The following UNC5D variants were observed in gnomAD, a reference collection of about 807,000 sequenced individuals.
The protein encoded by UNC5D is unc-5 netrin receptor D, also known as netrin receptor UNC5D.
Under a neutral mutation model 105.4 loss-of-function variants are expected in UNC5D, and 39 were observed. That is an observed-to-expected ratio of 0.37 (90% CI 0.29 to 0.48). The LOEUF (loss-of-function observed/expected upper bound fraction) is 0.48. UNC5D is among the 20% of genes least tolerant of loss of function. UNC5D has a pLI of 0.98. For missense variants in UNC5D, 991 were observed against 1,202.4 expected (o/e 0.82, Z 2.60); for synonymous variants, 452 against 450.4 (o/e 1.00, Z -0.04).
chr8:35,237,388 C>A (rs1162561203), intron 1 of UNC5D, among the ~76,000 whole-genome samples: 5 of 152,000 alleles, frequency 3.3e-5, no homozygotes, highest in Non-Finnish European at 7.4e-5. Context: ...GTTTTTAATA[C>A]ACTCTTATGG....
intron 3 of UNC5D, among the ~76,000 whole-genome samples, 183 bp downstream of exon 3, chr8:35,568,424 C>T (rs776231755): frequency 5.3e-5 from 8 of 152,234 alleles, no homozygotes; most frequent in Non-Finnish European, 1.0e-4. Flanking sequence ...CACAGTGGCT[C>T]ACGCCTGTGA....
chr8:35,468,278 G>A (rs1045322943), intron 1 of UNC5D, among the ~76,000 whole-genome samples: 1 of 152,168 alleles, frequency 6.6e-6, no homozygotes, highest in Non-Finnish European at 1.5e-5. Flanking sequence ...CACTCCCAAG[G>A]ACAGAGATCA....
chr8:35,427,382 G>A (rs1806324718), intron 1 of UNC5D, among the ~76,000 whole-genome samples: 1 of 152,194 alleles, frequency 6.6e-6, no homozygotes, highest in Admixed American at 6.5e-5. Context: ...CATCTTGCTA[G>A]ATGGGAAAAC....
intron 1 of UNC5D, among the ~76,000 whole-genome samples, chr8:35,396,889 G>T (rs556431546): frequency 2.0e-5 from 3 of 151,514 alleles, no homozygotes; most frequent in South Asian, 2.1e-4. Context: ...GAGCCCAAGG[G>T]TTTTTTTGTT....
chr8:35,458,948 G>A (rs971849033), intron 1 of UNC5D, among the ~76,000 whole-genome samples: 1 of 152,074 alleles, frequency 6.6e-6, no homozygotes, highest in African/African-American at 2.4e-5. Flanking sequence ...TGGATGCAGT[G>A]GCATTTTAAT....
At chr8:35,446,591 G>A (rs1807810850) in intron 1 of UNC5D, among the ~76,000 whole-genome samples, 1 of 151,984 alleles carries the variant, frequency 6.6e-6, no homozygotes, top group South Asian at 2.1e-4. Context: ...GTAAATATTT[G>A]TTAAATAAAT....
chr8:35,448,879 T>A (rs1473225802), intron 1 of UNC5D, among the ~76,000 whole-genome samples: 1 of 152,190 alleles, frequency 6.6e-6, no homozygotes, highest in Non-Finnish European at 1.5e-5. Flanking sequence ...CTTTGTTTTT[T>A]AATTGTTTCA....
At chr8:35,468,610 G>A (rs373260619) in intron 1 of UNC5D, among the ~76,000 whole-genome samples, 2 of 152,120 alleles carry the variant, frequency 1.3e-5, no homozygotes, top group African/African-American at 4.8e-5. Context: ...ATGTTTAAAC[G>A]TGGAGGACAG....
chr8:35,468,330 G>A (rs936361944), intron 1 of UNC5D, among the ~76,000 whole-genome samples: 12 of 152,148 alleles, frequency 7.9e-5, no homozygotes, highest in Admixed American at 6.6e-5. Flanking sequence ...CTGTTTGCCT[G>A]CACTCTTTGA....
intron 16 of UNC5D, among the ~76,000 whole-genome samples, chr8:35,777,966 G>T (rs967035861): frequency 6.6e-6 from 1 of 152,086 alleles, no homozygotes; most frequent in Non-Finnish European, 1.5e-5. Context: ...TTTCATTCTT[G>T]TGTTTGGGGA....
At chr8:35,577,456 C>G (rs1049488400) in intron 3 of UNC5D, among the ~76,000 whole-genome samples, 3 of 152,260 alleles carry the variant, frequency 2.0e-5, no homozygotes, top group African/African-American at 7.2e-5. Flanking sequence ...AAGCAGCACC[C>G]CTGAGGGGGC....
chr8:35,300,250 C>T (rs1478539937), intron 1 of UNC5D, among the ~76,000 whole-genome samples: 1 of 151,818 alleles, frequency 6.6e-6, no homozygotes, highest in African/African-American at 2.4e-5. Context: ...GAGTTCAAGA[C>T]CAGCCTGGCC....
intron 16 of UNC5D, among the ~76,000 whole-genome samples, chr8:35,780,194 A>T (rs1333204112): frequency 2.0e-5 from 3 of 152,232 alleles, no homozygotes; most frequent in African/African-American, 7.2e-5. Flanking sequence ...CAGGGAAAAC[A>T]TATTTCTTAT....
intron 11 of UNC5D, among the ~76,000 whole-genome samples, chr8:35,733,189 G>GC (rs1365714876): frequency 3.3e-5 from 5 of 152,072 alleles, no homozygotes; most frequent in African/African-American, 1.2e-4. Flanking sequence ...TGGGCTAAAG[G>GC]CCATTTACCT....
chr8:35,492,536 C>T (rs1467197796), intron 1 of UNC5D, among the ~76,000 whole-genome samples: 1 of 151,994 alleles, frequency 6.6e-6, no homozygotes, highest in African/African-American at 2.4e-5. Context: ...TTTCCTCTTC[C>T]TCTGAAAGAG....
chr8:35,595,789 GC>G (rs1232101767), intron 4 of UNC5D, 132 bp downstream of exon 4: 1 of 706,334 alleles, frequency 1.4e-6, no homozygotes, highest in Non-Finnish European at 2.4e-6. Flanking sequence ...GGGCTCAGTT[GC>G]TAAACACGGT....
chr8:35,394,504 G>T (rs777617829), intron 1 of UNC5D, among the ~76,000 whole-genome samples: 3 of 151,830 alleles, frequency 2.0e-5, no homozygotes, highest in Non-Finnish European at 2.9e-5. Context: ...ATAATGCTAG[G>T]ATTGACATAT....
intron 1 of UNC5D, among the ~76,000 whole-genome samples, chr8:35,318,943 A>G (rs984218688): frequency 1.8e-4 from 27 of 152,116 alleles, no homozygotes; most frequent in African/African-American, 6.0e-4. Flanking sequence ...AGTTTCAAAT[A>G]ACAGAAAATC....
intron 1 of UNC5D, among the ~76,000 whole-genome samples, chr8:35,393,431 C>T (rs917211934): frequency 1.3e-5 from 2 of 152,010 alleles, no homozygotes; most frequent in African/African-American, 4.8e-5. Context: ...CCGCGCCCGG[C>T]CCTACTTTTT....
Sources: allele counts gnomAD v4.1 joint callset (sites outside exome capture counted in the v4.1 genomes callset), GRCh38; gene constraint gnomAD v4.1.1; transcripts MANE v1.5; gene names NCBI Gene and HGNC (gene_info 2026-07-23, HGNC 2026-07-21).